NBAS: variants seen among roughly 807,000 people sequenced by gnomAD.
NBAS encodes the protein NAG/BC035112 fusion.
In NBAS, 219 loss-of-function variants were observed where a neutral mutation model predicts 302.5. That is an observed-to-expected ratio of 0.72 (90% confidence interval 0.65 to 0.81). The LOEUF (loss-of-function observed/expected upper bound fraction) is 0.81. Ranked by LOEUF, NBAS falls within the 30% of genes least tolerant of loss-of-function variation. The probability of loss-of-function intolerance (pLI) is 0.00; values close to 1 mark genes in which losing one functional copy is unlikely to be tolerated. For synonymous variants in NBAS, 1,118 were observed against 1,021.6 expected (o/e 1.09, Z -1.80); for missense variants, 2,932 against 2,841.6 (o/e 1.03, Z -0.72).
chr2:15,299,841 A>C (rs902711983), intron 40 of NBAS, among the ~76,000 whole-genome samples: 1 of 152,248 alleles, frequency 6.6e-6, no homozygotes, highest in East Asian at 1.9e-4. Flanking sequence ...ACAGCCATCA[A>C]CTATCTCTGG....
At chr2:15,485,001 G>C (rs1680564950) in intron 12 of NBAS, among the ~76,000 whole-genome samples, 1 of 152,042 alleles carries the variant, frequency 6.6e-6, no homozygotes, top group Non-Finnish European at 1.5e-5. Flanking sequence ...GGATACAGGT[G>C]AAAGACTCAA....
In NBAS at chr2:15,390,751, A is replaced by G. The variant is rs543208169; in HGVS notation, c.3257+3476T>C. Among the ~76,000 whole-genome samples, 4 of 152,330 alleles carry G rather than the reference A, an allele frequency of 2.6e-5. No individual in the cohort carries two copies. The South Asian group carries it at 8.3e-4, about 32-fold the overall frequency. Reference sequence around the variant, plus strand: ...AATAAGACTTAATTTTTTAAAAAAGAAAATTTATAAAAATACAAAAATATG... The same window carrying G: ...AATAAGACTTAATTTTTTAAAAAAGGAAATTTATAAAAATACAAAAATATG... On this transcript the variant is annotated intron_variant, in intron 28 of 51. Transcript: ENST00000281513.
chr2:15,220,681 T>C (rs1666910475), intron 47 of NBAS, among the ~76,000 whole-genome samples: 1 of 152,134 alleles, frequency 6.6e-6, no homozygotes, highest in South Asian at 2.1e-4. Flanking sequence ...TCTTAAGGGG[T>C]TATCCATACA....
At chr2:15,094,700 C>A in the NBAS span, among the ~76,000 whole-genome samples, 1 of 152,172 alleles carries the variant, frequency 6.6e-6, no homozygotes, top group Admixed American at 6.5e-5. Flanking sequence ...TGCCCAGCTT[C>A]CCTCAGCCGG....
chr2:15,438,758 G>C (rs188777956), intron 21 of NBAS, among the ~76,000 whole-genome samples: 1 of 152,140 alleles, frequency 6.6e-6, no homozygotes, highest in Non-Finnish European at 1.5e-5. Context: ...AGAGAAGAAC[G>C]TGCACTGAGA....
intron 35 of NBAS, among the ~76,000 whole-genome samples, chr2:15,338,525 C>T (rs1672696623): frequency 6.6e-6 from 1 of 152,190 alleles, no homozygotes; most frequent in Non-Finnish European, 1.5e-5. Flanking sequence ...TGCTTCATCT[C>T]ATCTGCCAAT....
chr2:15,397,690 G>A (rs1312385869), intron 26 of NBAS: 8 of 503,770 alleles, frequency 1.6e-5, no homozygotes, highest in East Asian at 5.6e-5. Context: ...CCTTGTACTC[G>A]GGCACACATT....
Position 15,444,876 on chromosome 2 carries a change from T to C in NBAS, c.2339+16325A>G, listed in dbSNP as rs1336753221. ...AACAGACACTTCTCAAAAGAAGACATTTATGCAGCCAAAAAACACATGAAA... is the reference window on the plus strand; with the variant it reads ...AACAGACACTTCTCAAAAGAAGACACTTATGCAGCCAAAAAACACATGAAA... On this transcript the variant is annotated intron_variant, in intron 21 of 51. Coordinates refer to ENST00000281513, the MANE Select transcript of NBAS (RefSeq NM_015909.4). Among the ~76,000 whole-genome samples, 7 of 152,140 alleles carry C rather than the reference T, an allele frequency of 4.6e-5. No individual in the cohort carries two copies. In the South Asian group the frequency reaches 1.2e-3, roughly 27 times the overall value.
chr2:14,910,534 G>C, the NBAS span, among the ~76,000 whole-genome samples: 1 of 152,192 alleles, frequency 6.6e-6, no homozygotes, highest in Non-Finnish European at 1.5e-5. Flanking sequence ...CTGACTCTGA[G>C]CTAAGGAGAC....
the NBAS span, among the ~76,000 whole-genome samples, chr2:14,866,061 A>G: frequency 6.6e-6 from 1 of 152,194 alleles, no homozygotes; most frequent in Middle Eastern, 3.4e-3. Context: ...GAGAGGTGGG[A>G]TGCTTTATCT....
chr2:14,876,529 A>G, the NBAS span, among the ~76,000 whole-genome samples: 7 of 152,262 alleles, frequency 4.6e-5, no homozygotes, highest in Non-Finnish European at 8.8e-5. Context: ...ATCCAACTAA[A>G]TGGAAAAGGT....
downstream of NBAS, chr2:15,166,762 T>C (rs1258138441): frequency 3.8e-5 from 13 of 344,368 alleles, no homozygotes; most frequent in Non-Finnish European, 5.8e-5. Flanking sequence ...TGAACTACAG[T>C]TGTGGACACA....
At chr2:15,333,191 G>C (rs914172265) in intron 35 of NBAS, among the ~76,000 whole-genome samples, 138 of 152,162 alleles carry the variant, frequency 9.1e-4, no homozygotes, top group African/African-American at 3.2e-3. Context: ...GGAAAAAATT[G>C]AGAGTTTCCA....
At chr2:15,034,297 A>AAAGAAAGG in the NBAS span, among the ~76,000 whole-genome samples, 5 of 76,426 alleles carry the variant, frequency 6.5e-5, no homozygotes, top group Non-Finnish European at 1.2e-4. Flanking sequence ...AGAAAGAAAG[A>AAAGAAAGG]AAGAAAGATG....
the NBAS span, among the ~76,000 whole-genome samples, chr2:14,817,355 A>G: frequency 6.6e-6 from 1 of 152,204 alleles, no homozygotes; most frequent in Non-Finnish European, 1.5e-5. Flanking sequence ...TGAGATGCCC[A>G]TTACATATTT....
the NBAS span, among the ~76,000 whole-genome samples, chr2:14,904,321 C>CT: frequency 6.6e-6 from 1 of 152,136 alleles, no homozygotes; most frequent in African/African-American, 2.4e-5. Flanking sequence ...ACAGGAAAGT[C>CT]GACAGTGCAG....
At chr2:15,184,856 C>T (rs1665003034) in intron 50 of NBAS, among the ~76,000 whole-genome samples, 1 of 152,184 alleles carries the variant, frequency 6.6e-6, no homozygotes, top group Non-Finnish European at 1.5e-5. Flanking sequence ...GCAAAAGTTA[C>T]AGTAAAACCA....
At chr2:15,041,815 G>A in the NBAS span, among the ~76,000 whole-genome samples, 3 of 152,278 alleles carry the variant, frequency 2.0e-5, no homozygotes, top group East Asian at 5.8e-4. Flanking sequence ...TTGCTTCCAA[G>A]GGCTCTGCCG....
At chr2:15,317,503 A>G (rs188594548) in intron 38 of NBAS, among the ~76,000 whole-genome samples, 1 of 152,312 alleles carries the variant, frequency 6.6e-6, no homozygotes, top group Admixed American at 6.5e-5. Flanking sequence ...AAAATCTTGA[A>G]AAAGGGTTAG....
Sources: gnomAD v4.1 joint callset for allele counts (sites outside exome capture counted in the v4.1 genomes callset) on GRCh38, gnomAD v4.1.1 for gene constraint, MANE v1.5 for transcripts, NCBI Gene and HGNC (gene_info 2026-07-23, HGNC 2026-07-21) for gene names.